Variants in DSCAM observed in about 807,000 individuals in gnomAD.
DSCAM encodes cell adhesion molecule DSCAM.
DSCAM carries 47 observed loss-of-function variants against 217.7 expected under a neutral mutation model. The ratio of observed to expected loss-of-function variants is 0.22; its 90% CI spans 0.17 to 0.28. DSCAM has a LOEUF of 0.28. Among genes scored for constraint, DSCAM ranks in the 10% least tolerant of loss-of-function variants. The pLI is 1.00. For synonymous variants in DSCAM, 1,056 were observed against 1,015.3 expected, an observed-to-expected ratio of 1.04 and a Z score of -0.76; for missense variants, 2,080 against 2,618.3, an observed-to-expected ratio of 0.79 and a Z score of 4.49.
At chr21:40,649,771 C>G (rs2089991626) in intron 3 of DSCAM, among the ~76,000 whole-genome samples, 1 of 152,206 alleles carries the variant, frequency 6.6e-6, no homozygotes, top group South Asian at 2.1e-4. Flanking sequence ...TGCCAGCAAG[C>G]CCAGGGCACT....
intron 26 of DSCAM, among the ~76,000 whole-genome samples, chr21:40,078,384 C>T (rs1446193659): frequency 6.6e-6 from 1 of 152,172 alleles, no homozygotes; most frequent in Non-Finnish European, 1.5e-5. Context: ...TAGACATCAA[C>T]ACAAGCACAG....
chr21:40,233,612 G>A (rs1569014294), intron 11 of DSCAM, among the ~76,000 whole-genome samples: 1 of 152,130 alleles, frequency 6.6e-6, no homozygotes, highest in East Asian at 1.9e-4. Flanking sequence ...CCTCCACATG[G>A]ACACACTCCC....
intron 3 of DSCAM, among the ~76,000 whole-genome samples, chr21:40,610,048 GA>G (rs2089292513): frequency 6.6e-6 from 1 of 152,174 alleles, no homozygotes; most frequent in Non-Finnish European, 1.5e-5. Context: ...TACCTTTCTT[GA>G]CAACCAAACA....
At chr21:40,649,873 G>A (rs2089992399) in intron 3 of DSCAM, among the ~76,000 whole-genome samples, 1 of 152,180 alleles carries the variant, frequency 6.6e-6, no homozygotes, top group Non-Finnish European at 1.5e-5. Flanking sequence ...AGTGCCTTCT[G>A]CAAGGAAACT....
intron 3 of DSCAM, among the ~76,000 whole-genome samples, chr21:40,537,090 C>G (rs2146123517): frequency 6.6e-6 from 1 of 152,306 alleles, no homozygotes; most frequent in African/African-American, 2.4e-5. Flanking sequence ...ACATCTTTTT[C>G]TCTCCCTGGC....
rs1439953154 is a variant in DSCAM, at chr21:40,563,830, ATATATGTT to A, written c.508+128972_508+128979del. On this transcript the variant is annotated intron_variant, in intron 3 of 32. Coordinates refer to ENST00000400454, the MANE Select transcript of DSCAM (RefSeq NM_001389.5). Reference sequence around the variant, plus strand: ...TATGTGTATATATAGTTATATGTTTATATATGTTTATATGTTTATATATGTTTATATGT... The same window carrying A: ...TATGTGTATATATAGTTATATGTTTATATATGTTTATATATGTTTATATGT... 3.5e-4 allele frequency among the ~76,000 whole-genome samples: 48 copies of A among 137,922 alleles called. 1 individual carries two copies. Among genetic ancestry groups the A allele is most frequent in the South Asian group, 2.6e-3 (12 of 4,632 alleles). The allele number at this position is 137,922 out of a possible 152,430, so 90.5% of individuals were successfully genotyped here. A position where few individuals can be genotyped will look rare whatever the true frequency, so the allele number is the denominator to read the frequency against.
intron 1 of DSCAM, among the ~76,000 whole-genome samples, chr21:40,736,243 C>A (rs1008139104): frequency 7.9e-5 from 12 of 152,062 alleles, no homozygotes; most frequent in Admixed American, 7.2e-4. Flanking sequence ...GGATATTTAC[C>A]CACCCAGGAG....
At chr21:40,402,330 A>T (rs947498373) in intron 3 of DSCAM, among the ~76,000 whole-genome samples, 2 of 149,774 alleles carry the variant, frequency 1.3e-5, no homozygotes, top group Non-Finnish European at 3.0e-5. Flanking sequence ...CAGCCTCCCA[A>T]AGTGGTGGGA....
At chr21:40,517,883 TCAG>T (rs2076316056) in intron 3 of DSCAM, among the ~76,000 whole-genome samples, 1 of 152,146 alleles carries the variant, frequency 6.6e-6, no homozygotes, top group African/African-American at 2.4e-5. Flanking sequence ...GTTCCTGAGT[TCAG>T]CCTGGGTCCA....
At chr21:40,470,178 T>C (rs2075876450) in intron 3 of DSCAM, among the ~76,000 whole-genome samples, 1 of 152,212 alleles carries the variant, frequency 6.6e-6, no homozygotes, top group Admixed American at 6.5e-5. Context: ...CAAGTTTGGA[T>C]GCAAAAGAAA....
In DSCAM at chr21:40,584,402, T is replaced by A. The variant is rs144191614; in HGVS notation, c.508+108408A>T. 7.8e-3 allele frequency among the ~76,000 whole-genome samples: 1,185 copies of A among 152,298 alleles called. 14 individuals are homozygous for A. Among genetic ancestry groups the A allele is most frequent in the African/African-American group, 0.027 (1,111 of 41,562 alleles). On this transcript the variant is annotated intron_variant, in intron 3 of 32. Transcript: ENST00000400454. ...ATGTGAAGCTGGAGTGTTATCAGAA[T>A]GACAAGGATTGAGATCAACTTTCAT...
intron 3 of DSCAM, among the ~76,000 whole-genome samples, chr21:40,493,682 T>C (rs1213361439): frequency 6.6e-6 from 1 of 151,274 alleles, no homozygotes; most frequent in African/African-American, 2.4e-5. Context: ...GCTAACATGG[T>C]GAAACCCTGT....
At chr21:40,743,805 C>A (rs920519300) in intron 1 of DSCAM, among the ~76,000 whole-genome samples, 3 of 152,056 alleles carry the variant, frequency 2.0e-5, no homozygotes, top group Non-Finnish European at 4.4e-5. Flanking sequence ...GTCAAAATTT[C>A]TTATAATCAA....
chr21:40,084,010 G>A lies in DSCAM; in HGVS notation c.4133-4C>T, dbSNP rs965149488. The A allele has an allele frequency of 6.2e-7, 1 of 1,607,342 alleles. No homozygotes were observed. Among genetic ancestry groups the A allele is most frequent in the Non-Finnish European group, 8.5e-7 (1 of 1,177,100 alleles). On this transcript the variant is annotated splice_polypyrimidine_tract_variant and splice_region_variant and intron_variant, in intron 23 of 32. Transcript: ENST00000400454. ...AGCCGAGGCTGATCTGGTGGAACTGGAGAGGAAACAGTTTTTAGAAAACAA... is the reference window on the plus strand; with the variant it reads ...AGCCGAGGCTGATCTGGTGGAACTGAAGAGGAAACAGTTTTTAGAAAACAA...
intron 28 of DSCAM, among the ~76,000 whole-genome samples, chr21:40,061,017 A>C (rs918869896): frequency 6.6e-6 from 1 of 152,208 alleles, no homozygotes; most frequent in African/African-American, 2.4e-5. Context: ...CCCCTTATGA[A>C]GGAGATACTG....
At chr21:40,356,544 T>C (rs2074695340) in intron 4 of DSCAM, among the ~76,000 whole-genome samples, 2 of 152,210 alleles carry the variant, frequency 1.3e-5, no homozygotes, top group Non-Finnish European at 2.9e-5. Context: ...TAGGAAATTC[T>C]GCTTAAAGGC....
At chr21:40,532,720 A>G (rs1255866268) in intron 3 of DSCAM, among the ~76,000 whole-genome samples, 1 of 152,162 alleles carries the variant, frequency 6.6e-6, no homozygotes, top group East Asian at 1.9e-4. Context: ...GACTCAAAGG[A>G]AAGAGCAAGA....
intron 3 of DSCAM, among the ~76,000 whole-genome samples, chr21:40,524,522 C>T (rs1364347852): frequency 1.3e-5 from 2 of 151,666 alleles, no homozygotes; most frequent in Admixed American, 1.3e-4. Context: ...TCAGCGCTTT[C>T]TGTGTTATCA....
At chr21:40,233,975 G>C (rs1234299558) in intron 11 of DSCAM, among the ~76,000 whole-genome samples, 4 of 152,146 alleles carry the variant, frequency 2.6e-5, no homozygotes, top group African/African-American at 9.7e-5. Context: ...AGTTCATTCA[G>C]CCAGTCTGTG....
Sources: gnomAD v4.1 joint callset for allele counts (sites outside exome capture counted in the v4.1 genomes callset) on GRCh38, gnomAD v4.1.1 for gene constraint, MANE v1.5 for transcripts, NCBI Gene and HGNC (gene_info 2026-07-23, HGNC 2026-07-21) for gene names.